CEP85L: variants seen among roughly 807,000 people sequenced by gnomAD.
The protein encoded by CEP85L is centrosomal protein of 85 kDa-like.
CEP85L carries 60 observed loss-of-function variants against 100.3 expected under a neutral mutation model. That is an observed-to-expected ratio of 0.60 (90% confidence interval 0.49 to 0.74). The LOEUF (loss-of-function observed/expected upper bound fraction) is 0.74, where lower values mean the gene tolerates loss of function less well. Ranked by LOEUF, CEP85L falls within the 30% of genes least tolerant of loss-of-function variation. CEP85L has a pLI of 0.00. For missense variants in CEP85L, 973 were observed against 936.2 expected, an observed-to-expected ratio of 1.04 and a Z score of -0.51; for synonymous variants, 319 against 322.7, an observed-to-expected ratio of 0.99 and a Z score of 0.12.
chr6:118,623,309 G>C (rs1773573455), intron 2 of CEP85L, among the ~76,000 whole-genome samples: 1 of 152,174 alleles, frequency 6.6e-6, no homozygotes, highest in African/African-American at 2.4e-5. Flanking sequence ...AAGTCAAGAG[G>C]ATTTCAATAC....
chr6:118,506,960 T>A (rs1462616012), intron 5 of CEP85L, among the ~76,000 whole-genome samples: 1 of 152,158 alleles, frequency 6.6e-6, no homozygotes, highest in African/African-American at 2.4e-5. Context: ...TGCTGTTTCC[T>A]GTTTCTAGTT....
intron 2 of CEP85L, among the ~76,000 whole-genome samples, chr6:118,625,986 C>T (rs1773764955): frequency 6.6e-6 from 1 of 152,144 alleles, no homozygotes; most frequent in South Asian, 2.1e-4. Flanking sequence ...AGAAAGTTCC[C>T]CTCTGGAGGA....
intron 3 of CEP85L, chr6:118,560,658 G>C (rs9489441): frequency 0.027 from 4,449 of 166,904 alleles, 192 homozygotes; most frequent in African/African-American, 0.091. Flanking sequence ...CATCTATTTT[G>C]CAGTCCACTC....
At chr6:118,702,762 T>A (rs1777455391) in intron 1 of CEP85L, among the ~76,000 whole-genome samples, 1 of 152,128 alleles carries the variant, frequency 6.6e-6, no homozygotes, top group Non-Finnish European at 1.5e-5. Context: ...TTTGGGAGTC[T>A]GAGGCAGGCG....
chr6:118,468,034 T>A (rs1361481222), intron 12 of CEP85L, among the ~76,000 whole-genome samples: 1 of 152,226 alleles, frequency 6.6e-6, no homozygotes, highest in Admixed American at 6.5e-5. Context: ...GTCTGGACCA[T>A]AGAAGGCATC....
intron 3 of CEP85L, among the ~76,000 whole-genome samples, chr6:118,549,070 A>G (rs1778379991): frequency 6.6e-6 from 1 of 152,032 alleles, no homozygotes; most frequent in Admixed American, 6.6e-5. Context: ...TATCATAAAG[A>G]AGTTTAGAAA....
At chr6:118,600,101 G>C (rs567100406) in intron 2 of CEP85L, among the ~76,000 whole-genome samples, 2 of 152,000 alleles carry the variant, frequency 1.3e-5, no homozygotes, top group Non-Finnish European at 2.9e-5. Flanking sequence ...ATAAATGGAA[G>C]AGAAGTGGAA....
chr6:118,583,461 C>T (rs1780687320), intron 2 of CEP85L, among the ~76,000 whole-genome samples: 1 of 152,132 alleles, frequency 6.6e-6, no homozygotes, highest in Non-Finnish European at 1.5e-5. Context: ...TTTAATCACG[C>T]CTGAAAGTCC....
intron 5 of CEP85L, among the ~76,000 whole-genome samples, chr6:118,496,060 CACAG>C (rs1562198764): frequency 6.6e-6 from 1 of 152,180 alleles, no homozygotes; most frequent in Non-Finnish European, 1.5e-5. Flanking sequence ...TCAGTATACG[CACAG>C]ACAGAGAGGC....
rs183640940 is a variant in CEP85L at position 118,503,564 on chromosome 6, C to T, written c.1257+7734G>A. On this transcript the variant is annotated intron_variant, in intron 5 of 12. Transcript: ENST00000368491. Reference sequence around the variant, plus strand: ...TATAATAAGGCTACAGTAATCAAAACAATGTGGTATTAGTGATAAAATATA... The same window carrying T: ...TATAATAAGGCTACAGTAATCAAAATAATGTGGTATTAGTGATAAAATATA... 9.9e-4 allele frequency among the ~76,000 whole-genome samples: 150 copies of T among 152,202 alleles called. 1 individual carries two copies. Among genetic ancestry groups the T allele is most frequent in the African/African-American group, 3.6e-3 (149 of 41,554 alleles).
intron 4 of CEP85L, among the ~76,000 whole-genome samples, chr6:118,520,489 A>T (rs1217769269): frequency 6.6e-6 from 1 of 152,264 alleles, no homozygotes; most frequent in Non-Finnish European, 1.5e-5. Flanking sequence ...TATAGTGATT[A>T]AATTAGAGCA....
intron 2 of CEP85L, among the ~76,000 whole-genome samples, chr6:118,620,448 G>T (rs1192599864): frequency 1.3e-5 from 2 of 152,162 alleles, no homozygotes; most frequent in African/African-American, 4.8e-5. Flanking sequence ...ACCTGGTAGG[G>T]CTTGTGATCA....
At chr6:118,522,876 A>C (rs1334653047) in intron 4 of CEP85L, among the ~76,000 whole-genome samples, 6 of 44,036 alleles carry the variant, frequency 1.4e-4, no homozygotes, top group Admixed American at 1.5e-4. Flanking sequence ...GAGACTCCCA[A>C]AAAAAAAAAA....
At chr6:118,628,612 G>C (rs191053886) in intron 2 of CEP85L, among the ~76,000 whole-genome samples, 17 of 148,734 alleles carry the variant, frequency 1.1e-4, no homozygotes, top group African/African-American at 4.2e-4. Flanking sequence ...TCTAGCCTGG[G>C]CAACAGAGCA....
intron 2 of CEP85L, among the ~76,000 whole-genome samples, chr6:118,596,986 G>A (rs189847761): frequency 2.0e-5 from 3 of 152,262 alleles, no homozygotes; most frequent in Non-Finnish European, 2.9e-5. Flanking sequence ...TCATGGGGGC[G>A]GCTGCCCCAT....
intron 12 of CEP85L, among the ~76,000 whole-genome samples, chr6:118,468,248 CTTT>C (rs1772679573): frequency 6.6e-6 from 1 of 152,098 alleles, no homozygotes; most frequent in Non-Finnish European, 1.5e-5. Context: ...ATGGTGGAAT[CTTT>C]TTGATGAAAC....
At chr6:118,565,275 T>G in intron 3 of CEP85L, 1 of 484,050 alleles carries the variant, frequency 2.1e-6, no homozygotes. Flanking sequence ...TGCTTTATTT[T>G]TATGCCCATT....
At chr6:118,600,370 TAAC>T (rs1781722293) in intron 2 of CEP85L, among the ~76,000 whole-genome samples, 9 of 86,360 alleles carry the variant, frequency 1.0e-4, no homozygotes, top group African/African-American at 2.1e-4. Flanking sequence ...TGTGTGTGTG[TAAC>T]GCCATGGAGC....
At chr6:118,679,936 C>T (rs1367979292) in intron 1 of CEP85L, among the ~76,000 whole-genome samples, 1 of 151,708 alleles carries the variant, frequency 6.6e-6, no homozygotes, top group Non-Finnish European at 1.5e-5. Flanking sequence ...TTTGAAGTGG[C>T]TTCCTTCTCT....
Sources: allele counts gnomAD v4.1 joint callset (sites outside exome capture counted in the v4.1 genomes callset), GRCh38; gene constraint gnomAD v4.1.1; transcripts MANE v1.5; gene names NCBI Gene and HGNC (gene_info 2026-07-23, HGNC 2026-07-21).